The following LINGO2 variants were observed in gnomAD, a reference collection of about 807,000 sequenced individuals.
LINGO2 encodes leucine-rich repeat and immunoglobulin-like domain-containing nogo receptor-interacting protein 2.
In LINGO2, 14 loss-of-function variants were observed where a neutral mutation model predicts 30.6. The ratio of observed to expected loss-of-function variants is 0.46; its 90% confidence interval spans 0.30 to 0.72. The LOEUF is 0.72. Among genes scored for constraint, LINGO2 ranks in the 30% least tolerant of loss-of-function variants. LINGO2 has a pLI of 0.07. For missense variants in LINGO2, 729 were observed against 751.7 expected, an observed-to-expected ratio of 0.97 and a Z score of 0.35; for synonymous variants, 317 against 288.5, an observed-to-expected ratio of 1.10 and a Z score of -1.00.
At chr9:28,855,254 T>C in the LINGO2 span, among the ~76,000 whole-genome samples, 5 of 151,960 alleles carry the variant, frequency 3.3e-5, no homozygotes, top group East Asian at 5.8e-4. Context: ...ACAGCAGCAA[T>C]GCAAAGGAAG....
At chr9:28,019,193 G>C (rs2119341930) in intron 4 of LINGO2, among the ~76,000 whole-genome samples, 1 of 151,950 alleles carries the variant, frequency 6.6e-6, no homozygotes, top group South Asian at 2.1e-4. Flanking sequence ...CCTGAATGAT[G>C]AAATAAACTG....
chr9:29,113,016 A>C, the LINGO2 span, among the ~76,000 whole-genome samples: 1 of 152,214 alleles, frequency 6.6e-6, no homozygotes, highest in Admixed American at 6.5e-5. Context: ...AAAGCAGTAA[A>C]AGCTCTTAAA....
chr9:28,721,898 A>C, the LINGO2 span, among the ~76,000 whole-genome samples: 1 of 152,246 alleles, frequency 6.6e-6, no homozygotes. Context: ...TAAAATAGCC[A>C]AAATTTGTTC....
chr9:27,990,700 G>A lies in LINGO2; in HGVS notation c.-36+21655C>T, dbSNP rs146480618. Among the ~76,000 whole-genome samples, 1,253 of 152,158 alleles carry A rather than the reference G, an allele frequency of 8.2e-3. 21 individuals are homozygous for A. Among genetic ancestry groups the A allele is most frequent in the African/African-American group, 0.029 (1,191 of 41,540 alleles). ...TCAGTGGTTGAGTGCATTGACCAAT[G>A]TAAGTGGAAGAGTCAGAATGAAAAC... On this transcript the variant is annotated intron_variant, in intron 5 of 5. Transcript: ENST00000379992.
In LINGO2 at chr9:28,277,679, G is replaced by A. The variant is rs527506377; in HGVS notation, c.-87+17529C>T. 1.6e-4 allele frequency among the ~76,000 whole-genome samples: 25 copies of A among 151,810 alleles called. No individual in the cohort carries two copies. In the South Asian group the frequency reaches 3.5e-3, roughly 21 times the overall value. On this transcript the variant is annotated intron_variant, in intron 4 of 5. Transcript: ENST00000379992. ...AAAAAATTAGCTGGGTGTGGTGGCA[G>A]GCACCTGTAATCCCAGCTACTTGGG...
chr9:28,100,909 A>G (rs764249551), intron 4 of LINGO2, among the ~76,000 whole-genome samples: 2 of 152,120 alleles, frequency 1.3e-5, no homozygotes, highest in Non-Finnish European at 2.9e-5. Context: ...CACGAAAACT[A>G]CATTTTGGCA....
intron 1 of LINGO2, among the ~76,000 whole-genome samples, chr9:28,515,933 A>C (rs976868937): frequency 3.9e-5 from 6 of 152,158 alleles, no homozygotes; most frequent in African/African-American, 1.4e-4. Context: ...TTTTAAAGAA[A>C]TTGCCGCAGC....
chr9:28,837,452 C>G, the LINGO2 span, among the ~76,000 whole-genome samples: 1 of 151,034 alleles, frequency 6.6e-6, no homozygotes, highest in Non-Finnish European at 1.5e-5. Context: ...TTGAGACCAG[C>G]CTGACCAACA....
intron 2 of LINGO2, among the ~76,000 whole-genome samples, chr9:28,420,305 A>G (rs1383436203): frequency 1.3e-5 from 2 of 152,126 alleles, no homozygotes; most frequent in Non-Finnish European, 2.9e-5. Flanking sequence ...AATTTTAGAA[A>G]GCAGCAGGTG....
chr9:28,076,891 A>G (rs1451572680), intron 4 of LINGO2, among the ~76,000 whole-genome samples: 1 of 152,110 alleles, frequency 6.6e-6, no homozygotes, highest in African/African-American at 2.4e-5. Flanking sequence ...GGGATAAACC[A>G]AGGGGTTCAT....
rs371692977 is a variant in LINGO2, at chr9:28,626,057, T to C, written c.-365+44143A>G. Among the ~76,000 whole-genome samples, 6 of 152,270 alleles carry C rather than the reference T, an allele frequency of 3.9e-5. No individual in the cohort carries two copies. In the East Asian group the frequency reaches 7.7e-4, roughly 20 times the overall value. On this transcript the variant is annotated intron_variant, in intron 1 of 5. Coordinates refer to ENST00000379992, the Ensembl canonical transcript of LINGO2. ...TCAAAGTGGTGGCAACATTTGAGAA[T>C]TCCGCTTGCTTCACAAATGCCAAAA...
chr9:29,014,534 AC>A, the LINGO2 span, among the ~76,000 whole-genome samples: 2 of 152,196 alleles, frequency 1.3e-5, no homozygotes, highest in Non-Finnish European at 2.9e-5. Flanking sequence ...GAGAAAAAAA[AC>A]TTAGATAAAG....
chr9:28,809,845 C>T, the LINGO2 span, among the ~76,000 whole-genome samples: 6 of 151,496 alleles, frequency 4.0e-5, no homozygotes, highest in Non-Finnish European at 8.8e-5. Flanking sequence ...TAGCTCATCA[C>T]ACTCCGGCTA....
intron 4 of LINGO2, among the ~76,000 whole-genome samples, chr9:28,128,076 C>T (rs1827288809): frequency 6.6e-6 from 1 of 152,176 alleles, no homozygotes; most frequent in Non-Finnish European, 1.5e-5. Context: ...TTCTGGAAAG[C>T]TCTGGTTAAA....
At chr9:29,071,504 T>TACAC in the LINGO2 span, among the ~76,000 whole-genome samples, 1 of 117,124 alleles carries the variant, frequency 8.5e-6, no homozygotes, top group South Asian at 2.5e-4. Context: ...TATATATATA[T>TACAC]ATATATATAT....
At chr9:27,980,777 C>A (rs1172873421) in intron 5 of LINGO2, among the ~76,000 whole-genome samples, 1 of 151,858 alleles carries the variant, frequency 6.6e-6, no homozygotes, top group Non-Finnish European at 1.5e-5. Context: ...AGCCCTTGCA[C>A]AGGTCATCAG....
At chr9:28,742,457 G>T in the LINGO2 span, among the ~76,000 whole-genome samples, 1 of 150,820 alleles carries the variant, frequency 6.6e-6, no homozygotes, top group Admixed American at 6.6e-5. Flanking sequence ...CTTTTTTCTG[G>T]AGTTATTTTC....
the LINGO2 span, among the ~76,000 whole-genome samples, chr9:29,189,943 G>A: frequency 2.0e-5 from 3 of 150,816 alleles, no homozygotes; most frequent in African/African-American, 7.3e-5. Context: ...GGAGGTTGCA[G>A]TGAGCCGAGA....
At chr9:28,929,220 T>G in the LINGO2 span, among the ~76,000 whole-genome samples, 2 of 152,226 alleles carry the variant, frequency 1.3e-5, no homozygotes, top group East Asian at 3.8e-4. Context: ...GGGAGATACA[T>G]GACACAGTAG....
Sources: gnomAD v4.1 joint callset for allele counts (sites outside exome capture counted in the v4.1 genomes callset) on GRCh38, gnomAD v4.1.1 for gene constraint, MANE v1.5 for transcripts, NCBI Gene and HGNC (gene_info 2026-07-23, HGNC 2026-07-21) for gene names.